The following ZFYVE1 variants were observed in gnomAD, a reference collection of about 807,000 sequenced individuals.
The protein encoded by ZFYVE1 is zinc finger FYVE-type containing 1, also known as zinc finger FYVE domain-containing protein 1.
A neutral mutation model predicts 74.4 loss-of-function variants in ZFYVE1; 30 were observed. The ratio of observed to expected loss-of-function variants is 0.40; its 90% CI spans 0.30 to 0.55. The LOEUF is 0.55. ZFYVE1 is among the 20% of genes least tolerant of loss of function. The probability of loss-of-function intolerance (pLI) is 0.42; values close to 1 mark genes in which losing one functional copy is unlikely to be tolerated. For missense variants in ZFYVE1, 703 were observed against 1,011.6 expected (o/e 0.69, Z 4.14); for synonymous variants, 335 against 385.1 (o/e 0.87, Z 1.52).
intron 11 of ZFYVE1, among the ~76,000 whole-genome samples, chr14:72,972,778 C>G (rs34686397): frequency 0.22 from 33,558 of 150,916 alleles, 3,956 homozygotes; most frequent in Non-Finnish European, 0.26. Context: ...TGCGATCTCG[C>G]CTCACTGCAA....
chr14:72,995,765 T>C (rs1893729803), intron 3 of ZFYVE1, among the ~76,000 whole-genome samples: 1 of 152,180 alleles, frequency 6.6e-6, no homozygotes, highest in Non-Finnish European at 1.5e-5. Flanking sequence ...GCATGTGTCA[T>C]TGGTACCACC....
intron 2 of ZFYVE1, among the ~76,000 whole-genome samples, chr14:73,007,392 A>G (rs866438748): frequency 2.0e-5 from 3 of 149,904 alleles, no homozygotes; most frequent in East Asian, 2.0e-4. Context: ...CATTACTCCA[A>G]TTTTTTTTTT....
chr14:72,986,102 T>C (rs35273071), intron 4 of ZFYVE1, among the ~76,000 whole-genome samples: 223 of 152,352 alleles, frequency 1.5e-3, no homozygotes, highest in Non-Finnish European at 2.7e-3. Flanking sequence ...AGGTTCTTAC[T>C]GTTTCAACCC....
intron 2 of ZFYVE1, among the ~76,000 whole-genome samples, chr14:73,018,215 G>C (rs1475651043): frequency 2.0e-5 from 3 of 151,998 alleles, no homozygotes; most frequent in African/African-American, 7.3e-5. Context: ...CAGATCACCT[G>C]AGGTCTGGAG....
At chr14:73,010,341 C>T (rs1985719) in intron 2 of ZFYVE1, among the ~76,000 whole-genome samples, 3,271 of 152,224 alleles carry the variant, frequency 0.021, 120 homozygotes, top group African/African-American at 0.076. Flanking sequence ...GTGGCTCATG[C>T]CTGTAATCCC....
At position 72,977,283 on chromosome 14, in the gene ZFYVE1, G is replaced by A. The variant is rs1382960799; in HGVS notation, c.1635+644C>T. On this transcript the variant is annotated intron_variant, in intron 8 of 11. Coordinates refer to ENST00000556143, the MANE Select transcript of ZFYVE1 (RefSeq NM_021260.4). ...TTAGCCGGGCGTGGCGGTCGTGCCTGTAATCCCAGCTACTCGGGAAGCTGA... is the reference window on the plus strand; with the variant it reads ...TTAGCCGGGCGTGGCGGTCGTGCCTATAATCCCAGCTACTCGGGAAGCTGA... Among the ~76,000 whole-genome samples the A allele has an allele frequency of 2.0e-5, 3 of 152,202 alleles. No homozygotes were observed. The East Asian group carries it at 5.8e-4, about 29-fold the overall frequency.
At chr14:72,987,040 C>T (rs1893499862) in intron 4 of ZFYVE1, 1 of 890,200 alleles carries the variant, frequency 1.1e-6, no homozygotes, top group Admixed American at 6.2e-5. Flanking sequence ...ACCAGATGAT[C>T]TTGAACTTTA....
Position 72,975,144 on chromosome 14 carries a change from T to G in ZFYVE1, c.1807-185A>C. On this transcript the variant is annotated intron_variant, in intron 9 of 11. Coordinates refer to ENST00000556143, the MANE Select transcript of ZFYVE1 (RefSeq NM_021260.4). The surrounding 1 kb of genome is among the most constrained non-coding windows in gnomAD (Gnocchi z 4.1). The stretch of plus-strand genomic sequence containing the variant: ...AAAGGAAGCCTGGTGGACAGTGAGT[T>G]TCCTTTCACTAAGTGTCTGGGTTGA... 1.6e-6 allele frequency: 1 copy of G among 623,084 alleles called. No individual in the cohort carries two copies. The highest frequency in any genetic ancestry group is 2.6e-6 in the Non-Finnish European group (1 of 379,558). 38.6% of individuals were successfully genotyped at this position (623,084 alleles called of 1,614,324 possible).
At chr14:72,989,377 T>C (rs1372129504) in intron 4 of ZFYVE1, among the ~76,000 whole-genome samples, 1 of 152,198 alleles carries the variant, frequency 6.6e-6, no homozygotes, top group Admixed American at 6.5e-5. Flanking sequence ...CATATATTTA[T>C]GCATGTGCTT....
At position 72,975,849 on chromosome 14, in the gene ZFYVE1, A is replaced by C. The variant is rs1893156051; in HGVS notation, c.1636-128T>G. The C allele has an allele frequency of 9.6e-7, 1 of 1,040,608 alleles. No individual in the cohort carries two copies. Among genetic ancestry groups the C allele is most frequent in the African/African-American group, 1.6e-5 (1 of 62,540 alleles). 64.5% of individuals were successfully genotyped at this position (1,040,608 alleles called of 1,614,324 possible). On this transcript the variant is annotated intron_variant, in intron 8 of 11. Coordinates refer to ENST00000556143, the MANE Select transcript of ZFYVE1 (RefSeq NM_021260.4). This position sits in a 1 kb window ranked among gnomAD's most constrained non-coding sequence, Gnocchi z 4.1. ...AACCACTAACTCCCTGGCAGGGAAG[A>C]ACGGAGACACACCAGGAATCCCTCT... is the stretch of plus-strand genomic sequence containing the variant.
chr14:73,016,025 A>G (rs75791858), intron 2 of ZFYVE1, among the ~76,000 whole-genome samples: 4,208 of 152,302 alleles, frequency 0.028, 172 homozygotes, highest in African/African-American at 0.094. Flanking sequence ...TAACATTCTA[A>G]TACAACAAGA....
At position 73,024,145 on chromosome 14, in the gene ZFYVE1, T is replaced by C; in HGVS notation, c.364A>G (p.Asn122Asp). The change falls in exon 2 of 12, where the codon AAT (asparagine) becomes GAT (aspartate). Residue 122 changes from asparagine to aspartate, a missense_variant. This residue lies in a region of ZFYVE1 where 211 missense variants were observed against 221.7 expected (regional missense o/e 0.95). Coordinates refer to ENST00000556143, the MANE Select transcript of ZFYVE1 (RefSeq NM_021260.4). ...NKRRHPVTVY[N>D]VSNLQESLEA... ...AGTGACTCCTGGAGATTACTGACATTGTACACAGTAACAGGGTGTCTCCTT... is the reference window on the plus strand; with the variant it reads ...AGTGACTCCTGGAGATTACTGACATCGTACACAGTAACAGGGTGTCTCCTT... 1.2e-6 allele frequency: 2 copies of C among 1,614,200 alleles called. No homozygotes were observed. Among genetic ancestry groups the C allele is most frequent in the South Asian group, 1.1e-5 (1 of 91,078 alleles).
chr14:73,025,808 G>A (rs1894448456), intron 1 of ZFYVE1, among the ~76,000 whole-genome samples: 1 of 151,302 alleles, frequency 6.6e-6, no homozygotes. Flanking sequence ...CTATTTCCCA[G>A]ACTGGAATTT....
intron 8 of ZFYVE1, among the ~76,000 whole-genome samples, 170 bp downstream of exon 8, chr14:72,977,757 A>T (rs962486068): frequency 1.3e-5 from 2 of 152,232 alleles, no homozygotes; most frequent in Admixed American, 1.3e-4. Context: ...AAAAATAAAA[A>T]CAATTTTGGT....
At chr14:73,010,966 G>A (rs898142374) in intron 2 of ZFYVE1, among the ~76,000 whole-genome samples, 2 of 151,518 alleles carry the variant, frequency 1.3e-5, no homozygotes, top group Non-Finnish European at 2.9e-5. Context: ...CCCCAATAAC[G>A]TATAGATACT....
chr14:72,992,403 A>C (rs1056313484), intron 4 of ZFYVE1, among the ~76,000 whole-genome samples: 7 of 152,152 alleles, frequency 4.6e-5, no homozygotes, highest in Non-Finnish European at 8.8e-5. Context: ...GTGTATAACC[A>C]ATTACTACAT....
chr14:73,009,707 G>T (rs1187750783), intron 2 of ZFYVE1, among the ~76,000 whole-genome samples: 1 of 152,232 alleles, frequency 6.6e-6, no homozygotes, highest in Non-Finnish European at 1.5e-5. Flanking sequence ...AGTGAATGGA[G>T]ATTGCACCAC....
At chr14:72,990,483 G>A (rs952976371) in intron 4 of ZFYVE1, among the ~76,000 whole-genome samples, 3 of 150,964 alleles carry the variant, frequency 2.0e-5, no homozygotes, top group East Asian at 2.0e-4. Flanking sequence ...TGCAACCTCC[G>A]CCTCTCAAAT....
chr14:73,004,411 C>T (rs1243740692), intron 2 of ZFYVE1, among the ~76,000 whole-genome samples: 1 of 152,006 alleles, frequency 6.6e-6, no homozygotes, highest in Non-Finnish European at 1.5e-5. Flanking sequence ...CATTTAGGTA[C>T]AGAATTGAAT....
Sources: allele counts gnomAD v4.1 joint callset (sites outside exome capture counted in the v4.1 genomes callset), GRCh38; gene constraint gnomAD v4.1.1; regional missense constraint gnomAD v4.1.1; non-coding constraint Gnocchi (gnomAD v3.1); transcripts MANE v1.5; gene names NCBI Gene and HGNC (gene_info 2026-07-23, HGNC 2026-07-21).